ZFAT: variants seen among roughly 807,000 people sequenced by gnomAD.
ZFAT encodes the protein zinc finger protein ZFAT.
In ZFAT, 64 loss-of-function variants were observed where a neutral mutation model predicts 117.7. The ratio of observed to expected loss-of-function variants is 0.54; its 90% CI spans 0.44 to 0.67. The LOEUF is 0.67. Ranked by LOEUF, ZFAT falls within the 30% of genes least tolerant of loss-of-function variation. The pLI is 0.00. For missense variants in ZFAT, 1,433 were observed against 1,584.5 expected, an observed-to-expected ratio of 0.90 and a Z score of 1.62; for synonymous variants, 679 against 615.0, an observed-to-expected ratio of 1.10 and a Z score of -1.54.
the ZFAT span, among the ~76,000 whole-genome samples, chr8:134,768,109 A>G: frequency 6.2e-4 from 95 of 152,222 alleles, no homozygotes; most frequent in African/African-American, 2.1e-3. Context: ...TTTTGTTTTT[A>G]CAAATTGAAG....
chr8:134,610,483 G>T lies in ZFAT; in HGVS notation c.621C>A (p.His207Gln). ...TGGTGCAGTCACCTGGAATTGCTTC[G>T]TGTGCAGTTAAAACCACACTTATGA... Reference protein sequence around the residue: ...KPIISVVLTAHEAIPGATKIV... With the variant: ...KPIISVVLTAQEAIPGATKIV... Residue 207 changes from histidine to glutamine, a missense_variant, in exon 4 of 16, where the codon CAC becomes CAA. His to Gln is a conservative substitution (Grantham distance 24, BLOSUM62 0). This residue lies in a region of ZFAT where 436 missense variants were observed against 482.0 expected (regional missense o/e 0.90). Coordinates refer to ENST00000377838, the MANE Select transcript of ZFAT (RefSeq NM_020863.4). 4 of 1,613,354 alleles carry T rather than the reference G, an allele frequency of 2.5e-6. No homozygotes were observed. The highest frequency in any genetic ancestry group is 3.4e-6 in the Non-Finnish European group (4 of 1,179,848).
At chr8:134,805,948 G>C in the ZFAT span, among the ~76,000 whole-genome samples, 1 of 152,064 alleles carries the variant, frequency 6.6e-6, no homozygotes, top group Non-Finnish European at 1.5e-5. Context: ...CTGCACTGCA[G>C]CCTGGGCGAC....
the ZFAT span, among the ~76,000 whole-genome samples, chr8:134,821,964 T>C: frequency 0.41 from 61,610 of 151,940 alleles, 13,600 homozygotes; most frequent in African/African-American, 0.56. Flanking sequence ...AACATGGAAA[T>C]GCATGCTGTT....
intron 1 of ZFAT, among the ~76,000 whole-genome samples, chr8:134,698,694 C>G (rs1833938569): frequency 6.6e-6 from 1 of 152,088 alleles, no homozygotes; most frequent in African/African-American, 2.4e-5. Flanking sequence ...AACCAGCCTC[C>G]CGGACACCCC....
chr8:134,746,925 A>C, the ZFAT span, among the ~76,000 whole-genome samples: 18 of 152,324 alleles, frequency 1.2e-4, no homozygotes, highest in Middle Eastern at 3.4e-3. Context: ...GATTTCCTTA[A>C]AATGGAGATG....
the ZFAT span, among the ~76,000 whole-genome samples, chr8:134,787,520 C>G: frequency 2.0e-5 from 3 of 152,182 alleles, no homozygotes; most frequent in African/African-American, 4.8e-5. Flanking sequence ...CTACTTTGCT[C>G]TAGTCTGTTA....
chr8:134,697,267 C>A (rs1833889148), intron 1 of ZFAT, among the ~76,000 whole-genome samples: 2 of 152,058 alleles, frequency 1.3e-5, no homozygotes, highest in African/African-American at 4.8e-5. Context: ...GCACCCGCCA[C>A]CATGCCCAGC....
chr8:134,660,918 C>T (rs1470775936), intron 1 of ZFAT, among the ~76,000 whole-genome samples: 1 of 152,244 alleles, frequency 6.6e-6, no homozygotes, highest in Non-Finnish European at 1.5e-5. Context: ...TGGCACCTGG[C>T]CTTGGCCATC....
At chr8:134,622,986 T>G (rs1381403510) in intron 3 of ZFAT, among the ~76,000 whole-genome samples, 2 of 152,176 alleles carry the variant, frequency 1.3e-5, no homozygotes, top group Non-Finnish European at 2.9e-5. Context: ...ACAAAGGGTC[T>G]CTTCCTTAGC....
chr8:134,691,118 AG>A (rs1461746256), intron 1 of ZFAT, among the ~76,000 whole-genome samples: 1 of 152,258 alleles, frequency 6.6e-6, no homozygotes, highest in Non-Finnish European at 1.5e-5. Context: ...CTCGATGCAG[AG>A]GCATCACTGT....
intron 4 of ZFAT, 74 bp from the exon 5 acceptor site, chr8:134,608,953 G>A (rs1828112656): frequency 6.6e-7 from 1 of 1,516,652 alleles, no homozygotes; most frequent in African/African-American, 1.4e-5. Flanking sequence ...CAGCAGAGGG[G>A]ATGGTGCTGG....
In ZFAT at chr8:134,478,112, G is replaced by C. The variant is rs1386697505; in HGVS notation, c.*370C>G. The C allele has an allele frequency of 3.8e-6, 1 of 264,748 alleles. No homozygotes were observed. The highest frequency in any genetic ancestry group is 4.7e-5 in the Admixed American group (1 of 21,198). The allele number at this position is 264,748 out of a possible 1,614,324, so 16.4% of individuals were successfully genotyped here. On this transcript the variant is annotated 3_prime_UTR_variant, in exon 16 of 16. Coordinates refer to ENST00000377838, the MANE Select transcript of ZFAT (RefSeq NM_020863.4). This position sits in a 1 kb window ranked among gnomAD's most constrained non-coding sequence, Gnocchi z 5.2. ...GATGAACATTTGGCACCTAGATGGG[G>C]GTCAAGGAGCTGGGGCTGTGATTCA...
chr8:134,783,825 C>T, the ZFAT span: 3 of 152,180 alleles, frequency 2.0e-5, no homozygotes, highest in African/African-American at 7.2e-5. Flanking sequence ...GAGATGCATG[C>T]ACAGCACTTA....
chr8:134,718,567 A>G, the ZFAT span, among the ~76,000 whole-genome samples: 1 of 152,166 alleles, frequency 6.6e-6, no homozygotes, highest in Non-Finnish European at 1.5e-5. Context: ...ACTATGAATA[A>G]GAGTAACAGG....
chr8:134,812,327 C>T, the ZFAT span, among the ~76,000 whole-genome samples: 35 of 152,280 alleles, frequency 2.3e-4, no homozygotes, highest in African/African-American at 7.2e-4. Flanking sequence ...ATAGCTTTTA[C>T]CATTTTTAAT....
intron 12 of ZFAT, among the ~76,000 whole-genome samples, chr8:134,529,322 T>C (rs989689279): frequency 2.0e-5 from 3 of 152,230 alleles, no homozygotes; most frequent in African/African-American, 7.2e-5. Flanking sequence ...TCACAGCCTG[T>C]GATTTACTGA....
the ZFAT span, among the ~76,000 whole-genome samples, chr8:134,754,486 TCA>T: frequency 6.6e-6 from 1 of 152,202 alleles, no homozygotes; most frequent in African/African-American, 2.4e-5. Context: ...GGGCTGCCGG[TCA>T]CACAGACTGC....
At chr8:134,761,686 G>A in the ZFAT span, among the ~76,000 whole-genome samples, 5 of 151,426 alleles carry the variant, frequency 3.3e-5, no homozygotes, top group African/African-American at 4.9e-5. Flanking sequence ...GCGACAAAGC[G>A]AGACTCCGTT....
chr8:134,546,077 A>T (rs1359572244), intron 11 of ZFAT, among the ~76,000 whole-genome samples: 1 of 152,234 alleles, frequency 6.6e-6, no homozygotes, highest in Non-Finnish European at 1.5e-5. Flanking sequence ...TGACGACGAC[A>T]ACACTTATTG....
Sources: allele counts gnomAD v4.1 joint callset (sites outside exome capture counted in the v4.1 genomes callset), GRCh38; gene constraint gnomAD v4.1.1; regional missense constraint gnomAD v4.1.1; non-coding constraint Gnocchi (gnomAD v3.1); transcripts MANE v1.5; gene names NCBI Gene and HGNC (gene_info 2026-07-23, HGNC 2026-07-21).